ME3: variants seen among roughly 807,000 people sequenced by gnomAD.
ME3 encodes malic enzyme 3, also known as NADP-dependent malic enzyme, mitochondrial.
Under a neutral mutation model 68.9 loss-of-function variants are expected in ME3, and 48 were observed. That is an observed-to-expected ratio of 0.70 (90% CI 0.55 to 0.89). ME3 has a LOEUF of 0.89. Ranked by LOEUF, ME3 falls within the 40% of genes least tolerant of loss-of-function variation. The probability of loss-of-function intolerance (pLI) is 0.00; values close to 1 mark genes in which losing one functional copy is unlikely to be tolerated. For missense variants in ME3, 675 were observed against 797.4 expected (o/e 0.85, Z 1.85); for synonymous variants, 320 against 318.8 (o/e 1.00, Z -0.04).
chr11:86,469,500 A>T (rs1472402908), intron 7 of ME3, among the ~76,000 whole-genome samples: 2 of 152,132 alleles, frequency 1.3e-5, no homozygotes, highest in African/African-American at 4.8e-5. Flanking sequence ...CTCCCTACTC[A>T]GGGCTCTGGG....
intron 2 of ME3, among the ~76,000 whole-genome samples, chr11:86,591,847 C>T (rs1959078916): frequency 6.6e-6 from 1 of 151,928 alleles, no homozygotes; most frequent in Non-Finnish European, 1.5e-5. Flanking sequence ...TCCTGTGACT[C>T]AATTACCTCC....
chr11:86,540,712 C>T (rs754635177), intron 4 of ME3, among the ~76,000 whole-genome samples: 1 of 152,130 alleles, frequency 6.6e-6, no homozygotes, highest in Non-Finnish European at 1.5e-5. Flanking sequence ...TATAATAATG[C>T]ATCTTAGGGG....
At chr11:86,594,701 A>G (rs1959190613) in intron 2 of ME3, among the ~76,000 whole-genome samples, 1 of 145,686 alleles carries the variant, frequency 6.9e-6, no homozygotes, top group Non-Finnish European at 1.5e-5. Flanking sequence ...AAAAAACACA[A>G]AAAAACAAAA....
intron 2 of ME3, among the ~76,000 whole-genome samples, chr11:86,643,824 C>T (rs554660723): frequency 2.0e-5 from 3 of 152,208 alleles, no homozygotes; most frequent in Non-Finnish European, 2.9e-5. Context: ...AGTCAGTGAA[C>T]GGTCTCAGGG....
chr11:86,594,650 C>T (rs1959188736), intron 2 of ME3, among the ~76,000 whole-genome samples: 2 of 146,024 alleles, frequency 1.4e-5, no homozygotes, highest in Admixed American at 7.3e-5. Context: ...GCTGTGATTG[C>T]ACCACTGACA....
chr11:86,632,355 G>C (rs188138045), intron 2 of ME3, among the ~76,000 whole-genome samples: 4 of 152,264 alleles, frequency 2.6e-5, no homozygotes, highest in East Asian at 3.9e-4. Context: ...AATGGCCAAG[G>C]GGGGTGGGGT....
intron 8 of ME3, among the ~76,000 whole-genome samples, chr11:86,456,550 C>T (rs1247787789): frequency 1.3e-5 from 2 of 152,218 alleles, no homozygotes; most frequent in Non-Finnish European, 2.9e-5. Flanking sequence ...GGTTTGCTTC[C>T]ATCCCTTCAT....
chr11:86,496,191 A>C (rs1322496699), intron 6 of ME3, among the ~76,000 whole-genome samples: 3 of 152,128 alleles, frequency 2.0e-5, no homozygotes, highest in Non-Finnish European at 2.9e-5. Flanking sequence ...AGATCACTTG[A>C]GGTCAGGAGT....
At chr11:86,582,288 A>G (rs1194609398) in intron 2 of ME3, among the ~76,000 whole-genome samples, 1 of 152,234 alleles carries the variant, frequency 6.6e-6, no homozygotes, top group Non-Finnish European at 1.5e-5. Flanking sequence ...AGTGGATTAG[A>G]GGATGAAGAA....
At chr11:86,598,358 G>C (rs946017636) in intron 2 of ME3, among the ~76,000 whole-genome samples, 3 of 152,200 alleles carry the variant, frequency 2.0e-5, no homozygotes, top group African/African-American at 7.2e-5. Flanking sequence ...TAGCACAGCA[G>C]TCTAAGATCA....
At chr11:86,663,092 G>A (rs1312545154) in intron 2 of ME3, among the ~76,000 whole-genome samples, 1 of 152,212 alleles carries the variant, frequency 6.6e-6, no homozygotes, top group Admixed American at 6.5e-5. Flanking sequence ...GACCAATTAA[G>A]TAATGGGCTT....
At chr11:86,642,864 CT>C (rs1944755115) in intron 2 of ME3, among the ~76,000 whole-genome samples, 2 of 152,152 alleles carry the variant, frequency 1.3e-5, no homozygotes, top group African/African-American at 4.8e-5. Context: ...CCAAGCAGAA[CT>C]TTTGATACTT....
intron 7 of ME3, among the ~76,000 whole-genome samples, chr11:86,481,331 G>A (rs1202907324): frequency 6.6e-6 from 1 of 151,638 alleles, no homozygotes; most frequent in Non-Finnish European, 1.5e-5. Flanking sequence ...GAGATGACAG[G>A]TGTGAGCCAC....
rs562092972 is a variant in ME3, at chr11:86,600,660, C to T, written c.184-40837G>A. On this transcript the variant is annotated intron_variant, in intron 2 of 14. Transcript: ENST00000543262. ...TCAACAGAATATACATTTTTTTCAG[C>T]ACTACACCACACCTATTCCAAAATT... is the stretch of plus-strand genomic sequence containing the variant. Among the ~76,000 whole-genome samples the T allele has an allele frequency of 5.2e-3, 792 of 151,630 alleles. 4 individuals carry two copies. The highest frequency in any genetic ancestry group is 0.018 in the African/African-American group (749 of 41,310).
chr11:86,618,517 A>T (rs1179271067), intron 2 of ME3, among the ~76,000 whole-genome samples: 2 of 152,074 alleles, frequency 1.3e-5, no homozygotes, highest in African/African-American at 4.8e-5. Flanking sequence ...CTAAGTCTAA[A>T]TCTAAACATA....
chr11:86,651,241 C>T (rs933181434), intron 2 of ME3, among the ~76,000 whole-genome samples: 1 of 152,182 alleles, frequency 6.6e-6, no homozygotes, highest in Non-Finnish European at 1.5e-5. Flanking sequence ...GCTTGGAAGA[C>T]AGTAGTGGTT....
At chr11:86,632,127 GT>G (rs1439128412) in intron 2 of ME3, among the ~76,000 whole-genome samples, 1 of 152,226 alleles carries the variant, frequency 6.6e-6, no homozygotes, top group Non-Finnish European at 1.5e-5. Context: ...CATAGTTTCT[GT>G]GATTCCAACT....
intron 4 of ME3, among the ~76,000 whole-genome samples, chr11:86,524,219 G>A (rs1168043049): frequency 1.3e-5 from 2 of 152,192 alleles, no homozygotes; most frequent in African/African-American, 4.8e-5. Flanking sequence ...TGTTTGGAAT[G>A]TGTCTCTGTT....
At chr11:86,447,351 A>G (rs1050694106) in intron 11 of ME3, 144 bp from the exon 12 acceptor site, 6 of 1,149,340 alleles carry the variant, frequency 5.2e-6, no homozygotes, top group East Asian at 2.5e-5. Context: ...GAAGGAGCAG[A>G]AGGGAAAATG....
Sources: allele counts gnomAD v4.1 joint callset (sites outside exome capture counted in the v4.1 genomes callset), GRCh38; gene constraint gnomAD v4.1.1; transcripts MANE v1.5; gene names NCBI Gene and HGNC (gene_info 2026-07-23, HGNC 2026-07-21).